Variants in IGSF10 observed in about 807,000 individuals in gnomAD.
IGSF10 encodes calvaria mechanical force protein 608.
IGSF10 carries 126 observed loss-of-function variants against 128.2 expected under a neutral mutation model. The observed-to-expected ratio is 0.98, with a 90% CI of 0.85 to 1.14. IGSF10 has a LOEUF of 1.14. Ranked by LOEUF, IGSF10 falls within the 50% of genes most tolerant of loss-of-function variation. IGSF10 has a pLI of 0.00. For missense variants in IGSF10, 3,295 were observed against 3,149.8 expected (o/e 1.05, Z -1.10); for synonymous variants, 1,185 against 1,146.2 (o/e 1.03, Z -0.68).
At chr3:151,505,127 C>T in the IGSF10 span, among the ~76,000 whole-genome samples, 5 of 152,166 alleles carry the variant, frequency 3.3e-5, no homozygotes, top group Non-Finnish European at 5.9e-5. Context: ...TTTATTAGTT[C>T]GTTCTCATGC....
chr3:151,440,833 C>T, intron 7 of IGSF10: 1 of 307,136 alleles, frequency 3.3e-6, no homozygotes, highest in South Asian at 2.8e-5. Flanking sequence ...ACTGTTCTAA[C>T]TGGGTTCTCA....
chr3:151,555,855 C>T, the IGSF10 span, among the ~76,000 whole-genome samples: 1 of 152,168 alleles, frequency 6.6e-6, no homozygotes, highest in African/African-American at 2.4e-5. Context: ...AGATAAATGA[C>T]TCTAGTCCTT....
In IGSF10 at chr3:151,448,944, G is replaced by A. The variant is rs1721373412; in HGVS notation, c.1037C>T (p.Thr346Ile). 6.2e-7 allele frequency: 1 copy of A among 1,614,070 alleles called. No individual in the cohort carries two copies. The highest frequency in any genetic ancestry group is 1.1e-5 in the South Asian group (1 of 91,088). The change falls in exon 6 of 8, where the codon ACT becomes ATT. Residue 346 changes from threonine (T) to isoleucine (I), a missense_variant. Thr to Ile is a moderately conservative substitution (Grantham distance 89). Transcript: ENST00000282466. ...KPSRTSPIAF[T>I]EENDYIVLNT... is the part of the protein sequence containing the mutation. Reference sequence around the variant, plus strand: ...TAGCACGATGTAGTCATTTTCTTCAGTGAATGCAATGGGTGATGTCCTTGA... The same window carrying A: ...TAGCACGATGTAGTCATTTTCTTCAATGAATGCAATGGGTGATGTCCTTGA...
chr3:151,506,746 G>A, the IGSF10 span, among the ~76,000 whole-genome samples: 4 of 151,920 alleles, frequency 2.6e-5, no homozygotes, highest in Admixed American at 1.3e-4. Context: ...TGTCCCTTTA[G>A]AAATGTAAAT....
chr3:151,435,431 T>G (rs188636393), downstream of IGSF10: 29 of 151,928 alleles, frequency 1.9e-4, no homozygotes, highest in African/African-American at 5.6e-4. Context: ...ACATCAGACA[T>G]AAGTTGCAAC....
Position 151,447,028 on chromosome 3 carries a change from C to T in IGSF10, c.2953G>A (p.Asp985Asn), listed in dbSNP as rs1308734230. The T allele has an allele frequency of 6.2e-7, 1 of 1,614,050 alleles. No homozygotes were observed. Among genetic ancestry groups the T allele is most frequent in the East Asian group, 2.2e-5 (1 of 44,900 alleles). ...TGAGAATGAGCAGCTGTGTGTGGAT[C>T]TGAAGGGAACGTGGAGGTGCTAAGT... ...QILSTSTFPS[D>N]PHTAAHSQFP... Residue 985 changes from aspartate to asparagine, a missense_variant, in exon 6 of 8, where the codon GAT becomes AAT. Physicochemically the swap from Asp to Asn is conservative, Grantham distance 23 (BLOSUM62 1). Transcript: ENST00000282466.
rs760413869 is a variant in IGSF10 at position 151,445,386 on chromosome 3, G to C, written c.4595C>G (p.Ala1532Gly). The change falls in exon 6 of 8, where the codon GCC becomes GGC. Residue 1532 changes from alanine to glycine, a missense_variant. Coordinates refer to ENST00000282466, the MANE Select transcript of IGSF10 (RefSeq NM_178822.5). ...VATSPKVHPNAKFTIGTTHFI... is the reference protein window; with the variant it reads ...VATSPKVHPNGKFTIGTTHFI... ...GTGAGTGGTTCCAATTGTGAACTTG[G>C]CATTTGGGTGAACCTTGGGGGATGT... 4 of 1,614,220 alleles carry C rather than the reference G, an allele frequency of 2.5e-6. No homozygotes were observed. The highest frequency in any genetic ancestry group is 3.4e-6 in the Non-Finnish European group (4 of 1,180,046).
Position 151,449,121 on chromosome 3 carries a change from G to A in IGSF10, c.860C>T (p.Ser287Phe). 1.9e-6 allele frequency: 3 copies of A among 1,614,218 alleles called. No homozygotes were observed. Among genetic ancestry groups the A allele is most frequent in the Non-Finnish European group, 1.7e-6 (2 of 1,180,036 alleles). Reference sequence around the variant, plus strand: ...AATAGTCAGGCTCTTTGATTTCAGGGATGAGTCAATGGTTGGCTTGGCACA... The same window carrying A: ...AATAGTCAGGCTCTTTGATTTCAGGAATGAGTCAATGGTTGGCTTGGCACA... ...FQCAKPTIDSSLKSKSLTILE... is the reference protein window; with the variant it reads ...FQCAKPTIDSFLKSKSLTILE... Residue 287 changes from serine to phenylalanine, a missense_variant, in exon 6 of 8, where the codon TCC (serine) becomes TTC (phenylalanine). Coordinates refer to ENST00000282466, the MANE Select transcript of IGSF10 (RefSeq NM_178822.5).
the IGSF10 span, among the ~76,000 whole-genome samples, chr3:151,581,199 A>G: frequency 6.6e-6 from 1 of 152,082 alleles, no homozygotes; most frequent in African/African-American, 2.4e-5. Context: ...GTGCTTAGTA[A>G]ATATAAATTT....
At chr3:151,488,614 A>G in the IGSF10 span, among the ~76,000 whole-genome samples, 1,363 of 152,332 alleles carry the variant, frequency 8.9e-3, 21 homozygotes, top group African/African-American at 0.031. Context: ...TGGTATTTAT[A>G]CCAAAACAGA....
rs774863216 is a variant in IGSF10 at position 151,447,027 on chromosome 3, T to C, written c.2954A>G (p.Asp985Gly). ...QILSTSTFPSDPHTAAHSQFP... is the reference protein window; with the variant it reads ...QILSTSTFPSGPHTAAHSQFP... The stretch of plus-strand genomic sequence containing the variant: ...CTGAGAATGAGCAGCTGTGTGTGGA[T>C]CTGAAGGGAACGTGGAGGTGCTAAG... The change falls in exon 6 of 8, where the codon GAT becomes GGT. Residue 985 changes from aspartate to glycine, a missense_variant. Coordinates refer to ENST00000282466, the MANE Select transcript of IGSF10 (RefSeq NM_178822.5). 6.2e-7 allele frequency: 1 copy of C among 1,614,180 alleles called. No homozygotes were observed.
the IGSF10 span, among the ~76,000 whole-genome samples, chr3:151,549,794 G>A: frequency 2.0e-5 from 3 of 152,092 alleles, no homozygotes; most frequent in Non-Finnish European, 2.9e-5. Context: ...GTACATCAAA[G>A]GAATCTCTAC....
chr3:151,530,155 T>C, the IGSF10 span, among the ~76,000 whole-genome samples: 1 of 151,398 alleles, frequency 6.6e-6, no homozygotes. Flanking sequence ...ACGTCAAGAT[T>C]AGAGAAAAAA....
At chr3:151,492,247 G>A in the IGSF10 span, among the ~76,000 whole-genome samples, 3 of 152,072 alleles carry the variant, frequency 2.0e-5, 1 homozygote, top group South Asian at 4.2e-4. Flanking sequence ...TGGCCAACAG[G>A]TATATAAAGA....
chr3:151,493,651 G>C, the IGSF10 span, among the ~76,000 whole-genome samples: 1 of 152,004 alleles, frequency 6.6e-6, no homozygotes, highest in Non-Finnish European at 1.5e-5. Context: ...CATAGCCTAG[G>C]TGTATAGTAG....
Position 151,436,245 on chromosome 3 carries a change from A to G in IGSF10, c.*444T>C, listed in dbSNP as rs1720187860. 1 of 154,362 alleles carries G rather than the reference A, an allele frequency of 6.5e-6. No homozygotes were observed. Among genetic ancestry groups the G allele is most frequent in the African/African-American group, 2.4e-5 (1 of 41,370 alleles). 9.6% of individuals were successfully genotyped at this position (154,362 alleles called of 1,614,324 possible). On this transcript the variant is annotated 3_prime_UTR_variant, in exon 8 of 8. Coordinates refer to ENST00000282466, the MANE Select transcript of IGSF10 (RefSeq NM_178822.5). ...CAAAAAAATTTATAAACCACAAAAT[A>G]TTTATACATCAGGATGGTAAATTTA...
the IGSF10 span, among the ~76,000 whole-genome samples, chr3:151,515,835 T>G: frequency 6.6e-6 from 1 of 151,518 alleles, no homozygotes; most frequent in South Asian, 2.1e-4. Flanking sequence ...GGGAAGACAA[T>G]CAAAACTTCA....
the IGSF10 span, among the ~76,000 whole-genome samples, chr3:151,552,213 T>C: frequency 6.6e-6 from 1 of 152,172 alleles, no homozygotes; most frequent in East Asian, 1.9e-4. Flanking sequence ...CCCTATGCCT[T>C]CCACTGTGAT....
intron 3 of IGSF10, among the ~76,000 whole-genome samples, chr3:151,457,622 G>C (rs752213089): frequency 6.6e-6 from 1 of 152,146 alleles, no homozygotes; most frequent in African/African-American, 2.4e-5. Context: ...GCTCAACAGA[G>C]TAGTGGTACA....
Sources: allele counts gnomAD v4.1 joint callset (sites outside exome capture counted in the v4.1 genomes callset), GRCh38; gene constraint gnomAD v4.1.1; transcripts MANE v1.5; gene names NCBI Gene and HGNC (gene_info 2026-07-23, HGNC 2026-07-21).